The following PDE3B variants were observed in gnomAD, a reference collection of about 807,000 sequenced individuals.
PDE3B encodes phosphodiesterase 3B.
A neutral mutation model predicts 116.8 loss-of-function variants in PDE3B; 66 were observed. The observed-to-expected ratio is 0.56, with a 90% CI of 0.46 to 0.69. PDE3B has a LOEUF of 0.69. Among genes scored for constraint, PDE3B ranks in the 30% least tolerant of loss-of-function variants. The pLI is 0.00. For synonymous variants in PDE3B, 595 were observed against 533.6 expected (o/e 1.12, Z -1.59); for missense variants, 1,384 against 1,368.1 (o/e 1.01, Z -0.18).
chr11:14,884,373 C>T, the PDE3B span, among the ~76,000 whole-genome samples: 11 of 151,958 alleles, frequency 7.2e-5, no homozygotes, highest in African/African-American at 2.4e-4. Context: ...GAGTTCATGT[C>T]CTTTGTTAGG....
intron 5 of PDE3B, among the ~76,000 whole-genome samples, chr11:14,810,147 A>G (rs935128536): frequency 6.6e-6 from 1 of 152,066 alleles, no homozygotes; most frequent in South Asian, 2.1e-4. Context: ...AAACCATTAA[A>G]AGTTGATAAC....
intron 5 of PDE3B, among the ~76,000 whole-genome samples, chr11:14,808,621 G>A (rs1391740304): frequency 6.6e-6 from 1 of 152,124 alleles, no homozygotes; most frequent in Non-Finnish European, 1.5e-5. Context: ...GATGGCATGA[G>A]CTTGTATATG....
intron 1 of PDE3B, among the ~76,000 whole-genome samples, chr11:14,769,029 A>G (rs1306033572): frequency 6.6e-6 from 1 of 151,416 alleles, no homozygotes; most frequent in East Asian, 1.9e-4. Flanking sequence ...AATTCCTAAT[A>G]TGAAGGGGAT....
intron 1 of PDE3B, among the ~76,000 whole-genome samples, chr11:14,649,178 C>T (rs1485717051): frequency 1.3e-5 from 2 of 152,030 alleles, no homozygotes; most frequent in Non-Finnish European, 2.9e-5. Context: ...AGTGGCAGGC[C>T]CTTCTCTCAT....
chr11:14,673,041 T>C (rs1387611698), intron 1 of PDE3B, among the ~76,000 whole-genome samples: 3 of 151,758 alleles, frequency 2.0e-5, no homozygotes, highest in Non-Finnish European at 4.4e-5. Context: ...TGTTAAAACA[T>C]GCATTAGACA....
At chr11:14,896,692 A>G in the PDE3B span, among the ~76,000 whole-genome samples, 1 of 152,218 alleles carries the variant, frequency 6.6e-6, no homozygotes, top group African/African-American at 2.4e-5. Flanking sequence ...AGATGTTACT[A>G]CAATTCTTCC....
intron 1 of PDE3B, among the ~76,000 whole-genome samples, chr11:14,663,481 G>A (rs533373492): frequency 9.9e-5 from 15 of 152,120 alleles, no homozygotes; most frequent in South Asian, 4.2e-4. Flanking sequence ...ATGTAAATGG[G>A]CTAAATGCTC....
At chr11:14,773,921 G>A (rs1247717888) in intron 2 of PDE3B, 1 of 152,130 alleles carries the variant, frequency 6.6e-6, no homozygotes, top group African/African-American at 2.4e-5. Flanking sequence ...ATCACTTTGG[G>A]ATCTTGTTTG....
intron 1 of PDE3B, among the ~76,000 whole-genome samples, chr11:14,696,999 C>T (rs949216508): frequency 1.3e-5 from 2 of 151,928 alleles, no homozygotes; most frequent in Non-Finnish European, 2.9e-5. Context: ...TGCAGTGGTG[C>T]AAATATAGCT....
the PDE3B span, among the ~76,000 whole-genome samples, chr11:14,882,978 G>C: frequency 6.6e-6 from 1 of 152,136 alleles, no homozygotes; most frequent in African/African-American, 2.4e-5. Flanking sequence ...ACTTACAAGG[G>C]ATGTGAAGGA....
chr11:14,654,696 G>T (rs1853658402), intron 1 of PDE3B, among the ~76,000 whole-genome samples: 1 of 151,778 alleles, frequency 6.6e-6, no homozygotes, highest in Admixed American at 6.6e-5. Context: ...TTGGAAAGAA[G>T]AAATTAGAAG....
chr11:14,874,439 TAAA>T (rs1351152911), downstream of PDE3B, among the ~76,000 whole-genome samples: 1 of 152,124 alleles, frequency 6.6e-6, no homozygotes, highest in African/African-American at 2.4e-5. Flanking sequence ...GCTCTTTTCT[TAAA>T]AACTCATTAT....
At position 14,693,747 on chromosome 11, in the gene PDE3B, ATGT is replaced by A. The variant is rs552267375; in HGVS notation, c.978+48699_978+48701del. 2.0e-3 allele frequency among the ~76,000 whole-genome samples: 312 copies of A among 152,308 alleles called. 1 individual carries two copies. Among genetic ancestry groups the A allele is most frequent in the Non-Finnish European group, 3.4e-3 (229 of 68,016 alleles). ...CTGATGGAGATGTACAAGGAGATAA[ATGT>A]TGTTTTCATGCCTGCAAACATAACA... On this transcript the variant is annotated intron_variant, in intron 1 of 15. Coordinates refer to ENST00000282096, the MANE Select transcript of PDE3B (RefSeq NM_000922.4).
intron 2 of PDE3B, among the ~76,000 whole-genome samples, chr11:14,784,711 GA>G (rs1192865194): frequency 2.0e-5 from 3 of 152,012 alleles, no homozygotes; most frequent in African/African-American, 4.8e-5. Context: ...GATACAATAT[GA>G]AGAAAAGTAA....
At chr11:14,693,186 T>C (rs1254420826) in intron 1 of PDE3B, among the ~76,000 whole-genome samples, 1 of 152,198 alleles carries the variant, frequency 6.6e-6, no homozygotes, top group Non-Finnish European at 1.5e-5. Flanking sequence ...GGAGAAAAGT[T>C]TGAAGCTAGC....
chr11:14,878,319 A>G, the PDE3B span: 1 of 1,611,174 alleles, frequency 6.2e-7, no homozygotes, highest in Non-Finnish European at 8.5e-7. Flanking sequence ...AAGCAGATAC[A>G]ATAATTTTTT....
At chr11:14,794,101 C>A (rs1268921969) in intron 4 of PDE3B, among the ~76,000 whole-genome samples, 1 of 152,132 alleles carries the variant, frequency 6.6e-6, no homozygotes, top group African/African-American at 2.4e-5. Context: ...CTTTTGACGT[C>A]TCTTGTTCGT....
intron 1 of PDE3B, among the ~76,000 whole-genome samples, chr11:14,705,566 TCA>T (rs1230194981): frequency 2.0e-5 from 3 of 151,788 alleles, no homozygotes; most frequent in African/African-American, 4.8e-5. Flanking sequence ...TTGTTGGTTG[TCA>T]CACAGTTGTA....
At chr11:14,811,229 A>G (rs1195823991) in intron 5 of PDE3B, among the ~76,000 whole-genome samples, 1 of 152,076 alleles carries the variant, frequency 6.6e-6, no homozygotes, top group Non-Finnish European at 1.5e-5. Flanking sequence ...TGTTTTAGAC[A>G]TGAAGTCCTT....
Sources: gnomAD v4.1 joint callset for allele counts (sites outside exome capture counted in the v4.1 genomes callset) on GRCh38, gnomAD v4.1.1 for gene constraint, MANE v1.5 for transcripts, NCBI Gene and HGNC (gene_info 2026-07-23, HGNC 2026-07-21) for gene names.